The following ABRAXAS1 variants were observed in gnomAD, a reference collection of about 807,000 sequenced individuals.
The protein encoded by ABRAXAS1 is abraxas 1, BRCA1 A complex subunit.
In ABRAXAS1, 26 loss-of-function variants were observed where a neutral mutation model predicts 38.4. That is an observed-to-expected ratio of 0.68 (90% CI 0.50 to 0.94). ABRAXAS1 has a LOEUF of 0.94. ABRAXAS1 is among the 40% of genes least tolerant of loss of function. The probability of loss-of-function intolerance (pLI) is 0.00; values close to 1 mark genes in which losing one functional copy is unlikely to be tolerated. For missense variants in ABRAXAS1, 438 were observed against 481.9 expected, an observed-to-expected ratio of 0.91 and a Z score of 0.85; for synonymous variants, 144 against 165.5, an observed-to-expected ratio of 0.87 and a Z score of 1.00.
chr4:83,482,069 A>G (rs1019193480), intron 2 of ABRAXAS1, 85 bp downstream of exon 2: 2 of 864,236 alleles, frequency 2.3e-6, no homozygotes, highest in African/African-American at 1.7e-5. Context: ...TTTAAAAATA[A>G]TAATTTACGC....
rs747254863 is a variant in ABRAXAS1, at chr4:83,459,826, A to C, written c.*2643T>G. 3.4e-5 allele frequency: 52 copies of C among 1,517,726 alleles called. No homozygotes were observed. The highest frequency in any genetic ancestry group is 9.5e-5 in the South Asian group (8 of 84,282). 94.0% of individuals were successfully genotyped at this position (1,517,726 alleles called of 1,614,324 possible). A position where few individuals can be genotyped will look rare whatever the true frequency, so the allele number is the denominator to read the frequency against. On this transcript the variant is annotated 3_prime_UTR_variant, in exon 9 of 9. Transcript: ENST00000321945. ...TGTTCTTTTTTATTATGGGAATATA[A>C]ATGTAGATACGAATTATATCAATCT... is the stretch of plus-strand genomic sequence containing the variant.
Position 83,461,399 on chromosome 4 carries a change from A to T in ABRAXAS1, c.*1070T>A, listed in dbSNP as rs1126971. 217,224 of 532,266 alleles carry T rather than the reference A, an allele frequency of 0.41. 47,991 individuals are homozygous for T. The highest frequency in any genetic ancestry group is 0.64 in the East Asian group (20,916 of 32,460). The allele number at this position is 532,266 out of a possible 1,614,324, so 33.0% of individuals were successfully genotyped here. ...TCACATTTTATCTATGTTGAATAAA[A>T]GTGGTTCTGTGTGATTGTCATTTAT... On this transcript the variant is annotated 3_prime_UTR_variant, in exon 9 of 9. Coordinates refer to ENST00000321945, the MANE Select transcript of ABRAXAS1 (RefSeq NM_139076.3).
At chr4:83,482,298 TTAAC>T (rs1179765945) in intron 1 of ABRAXAS1, 54 bp from the exon 2 acceptor site, 3 of 1,104,938 alleles carry the variant, frequency 2.7e-6, no homozygotes, top group Non-Finnish European at 1.3e-6. Flanking sequence ...TACTGTTCAC[TTAAC>T]TAACCGTATT....
chr4:83,477,551 A>G, intron 2 of ABRAXAS1: 2 of 471,376 alleles, frequency 4.2e-6, no homozygotes, highest in South Asian at 1.7e-5. Context: ...AAGCCATGAG[A>G]TGTCTCGTCT....
intron 1 of ABRAXAS1, among the ~76,000 whole-genome samples, chr4:83,483,291 T>A (rs950788001): frequency 2.0e-5 from 3 of 151,344 alleles, no homozygotes; most frequent in Admixed American, 2.0e-4. Flanking sequence ...TTTTTTTTTT[T>A]TTTTGAGAAG....
rs115192589 is a variant in ABRAXAS1, at chr4:83,470,504, G to A, written c.283-108C>T. ...CTTAAAATGGCTTTCTTAATATTTA[G>A]AAAGATTTGGGGCATATATAAACAA... is the stretch of plus-strand genomic sequence containing the variant. On this transcript the variant is annotated intron_variant, in intron 4 of 8. Transcript: ENST00000321945. 5,244 of 771,978 alleles carry A rather than the reference G, an allele frequency of 6.8e-3. 192 individuals are homozygous for A. The African/African-American group carries it at 0.083, about 12-fold the overall frequency. The allele number at this position is 771,978 out of a possible 1,614,324, so 47.8% of individuals were successfully genotyped here. A position where few individuals can be genotyped will look rare whatever the true frequency, so the allele number is the denominator to read the frequency against.
intron 3 of ABRAXAS1, among the ~76,000 whole-genome samples, 181 bp downstream of exon 3, chr4:83,476,462 G>C (rs1722772274): frequency 6.6e-6 from 1 of 152,016 alleles, no homozygotes; most frequent in African/African-American, 2.4e-5. Context: ...TACAGAGAAA[G>C]AACTGCTAGG....
intron 6 of ABRAXAS1, 33 bp from the exon 7 acceptor site, chr4:83,467,571 C>A (rs529303278): frequency 7.6e-6 from 8 of 1,049,158 alleles, no homozygotes; most frequent in Non-Finnish European, 1.0e-5. Context: ...CAGGCAAATA[C>A]ACAAAACCAT....
chr4:83,483,215 G>A (rs56201761), intron 1 of ABRAXAS1, among the ~76,000 whole-genome samples: 19,931 of 151,952 alleles, frequency 0.13, 4,309 homozygotes, highest in African/African-American at 0.45. Flanking sequence ...TGAGTTTTGG[G>A]GAATTCAATT....
At chr4:83,476,782 C>A in intron 2 of ABRAXAS1, 103 bp from the exon 3 acceptor site, 1 of 669,268 alleles carries the variant, frequency 1.5e-6, no homozygotes, top group South Asian at 1.8e-5. Context: ...TACTTTACCA[C>A]TGATTATCTG....
Position 83,463,525 on chromosome 4 carries a change from C to T in ABRAXAS1, c.765G>A (p.Glu255=), listed in dbSNP as rs878855208. ...CCTGAATCTGTGCTCCTCTCCTTTT[C>T]TCAATTTCTCGTTTTAATCTGTTTA... ...KDVNRLKREI[E]KRRGAQIQAA... The change falls in exon 8 of 9, where the codon GAG becomes GAA. Residue 255 remains glutamate, a synonymous_variant. Transcript: ENST00000321945. 6 of 1,610,808 alleles carry T rather than the reference C, an allele frequency of 3.7e-6. No individual in the cohort carries two copies. The Admixed American group carries it at 1.0e-4, about 27-fold the overall frequency.
At chr4:83,476,726 A>T in intron 2 of ABRAXAS1, 47 bp from the exon 3 acceptor site, 1 of 1,203,244 alleles carries the variant, frequency 8.3e-7, no homozygotes. Flanking sequence ...TTCAATTCAG[A>T]ATCACCTGAA....
At chr4:83,484,880 G>T in intron 1 of ABRAXAS1, 106 bp downstream of exon 1, 1 of 918,614 alleles carries the variant, frequency 1.1e-6, no homozygotes, top group South Asian at 1.9e-5. Context: ...GAGGAGGCGC[G>T]GCGGCGTCGG....
rs2110032712 is a variant in ABRAXAS1, at chr4:83,462,488, G to A, written c.1211C>T (p.Ser404Leu). The A allele has an allele frequency of 2.5e-6, 4 of 1,612,886 alleles. No individual in the cohort carries two copies. Among genetic ancestry groups the A allele is most frequent in the Non-Finnish European group, 3.4e-6 (4 of 1,179,516 alleles). Residue 404 changes from serine to leucine, a missense_variant, in exon 9 of 9, where the codon TCA becomes TTA. Around this residue, in one of 3 missense-constraint regions of ABRAXAS1, gnomAD observed 184 missense variants for 181.9 expected, o/e 1.01. Coordinates refer to ENST00000321945, the MANE Select transcript of ABRAXAS1 (RefSeq NM_139076.3). ...AAAGGATCAAAATGTAGGAGACCGT[G>A]AATATTCACCAAAACCCTTCATCTT... is the stretch of plus-strand genomic sequence containing the variant. ...IEKMKGFGEY[S>L]RSPTF
chr4:83,477,599 T>C (rs529943782), intron 2 of ABRAXAS1: 22 of 496,118 alleles, frequency 4.4e-5, no homozygotes, highest in African/African-American at 3.9e-4. Flanking sequence ...CTTGCCTCTA[T>C]CACTGCTGAG....
chr4:83,477,749 T>C (rs2110045813), intron 2 of ABRAXAS1: 2 of 664,528 alleles, frequency 3.0e-6, no homozygotes, highest in Non-Finnish European at 5.8e-6. Context: ...GGAAGGTGTA[T>C]TGGCTCTGTA....
At chr4:83,463,355 C>T (rs1334214709) in intron 8 of ABRAXAS1, 139 bp downstream of exon 8, 22 of 526,452 alleles carry the variant, frequency 4.2e-5, no homozygotes, top group Non-Finnish European at 7.1e-5. Context: ...ATCGCTTGAC[C>T]CCAGGAGGCA....
At chr4:83,480,040 C>A in intron 2 of ABRAXAS1, 1 of 184,708 alleles carries the variant, frequency 5.4e-6, no homozygotes, top group Non-Finnish European at 1.1e-5. Flanking sequence ...AGATATTAGG[C>A]ACATATAGTA....
rs1722191130 is a variant in ABRAXAS1, at chr4:83,462,880, GTC to G, written c.817_818del (p.Asp273ProfsTer19). On this transcript the variant is annotated frameshift_variant, in exon 9 of 9. Coordinates refer to ENST00000321945, the MANE Select transcript of ABRAXAS1 (RefSeq NM_139076.3). LOFTEE classifies it low-confidence loss of function (END_TRUNC). ...GACAAAGAAAAATGTTCTCCTGAGGGTCTTTTTGGATGTTCTTCTCTCCTAAA... is the reference window on the plus strand; with the variant it reads ...GACAAAGAAAAATGTTCTCCTGAGGGTTTTTGGATGTTCTTCTCTCCTAAA... ...QAAREKNIQKDPQENIFLCQA... is the reference protein window; with the variant it reads ...QAAREKNIQKXPQENIFLCQA... 6.3e-7 allele frequency: 1 copy of G among 1,584,588 alleles called. No homozygotes were observed. Among genetic ancestry groups the G allele is most frequent in the South Asian group, 1.2e-5 (1 of 84,934 alleles).
Sources: allele counts gnomAD v4.1 joint callset (sites outside exome capture counted in the v4.1 genomes callset), GRCh38; gene constraint gnomAD v4.1.1; regional missense constraint gnomAD v4.1.1; transcripts MANE v1.5; gene names NCBI Gene and HGNC (gene_info 2026-07-23, HGNC 2026-07-21).